Variants in DOCK6 observed in about 807,000 individuals in gnomAD.
DOCK6 encodes dedicator of cytokinesis protein 6.
Under a neutral mutation model 230.3 loss-of-function variants are expected in DOCK6, and 167 were observed. That is an observed-to-expected ratio of 0.73 (90% CI 0.64 to 0.82). The LOEUF (loss-of-function observed/expected upper bound fraction) is 0.82. Among genes scored for constraint, DOCK6 ranks in the 40% least tolerant of loss-of-function variants. The probability of loss-of-function intolerance (pLI) is 0.00; values close to 1 mark genes in which losing one functional copy is unlikely to be tolerated. For missense variants in DOCK6, 2,598 were observed against 2,825.8 expected (o/e 0.92, Z 1.83); for synonymous variants, 1,148 against 1,185.0 (o/e 0.97, Z 0.64).
At position 11,236,455 on chromosome 19, in the gene DOCK6, AAGACTGGCCC is replaced by A. The variant is rs761603763; in HGVS notation, c.2273_2282del (p.Arg758LeufsTer38). 11 of 1,593,362 alleles carry A rather than the reference AAGACTGGCCC, an allele frequency of 6.9e-6. No homozygotes were observed. The highest frequency in any genetic ancestry group is 9.4e-6 in the Non-Finnish European group (11 of 1,170,840). ...CGGGGCTGGCCAGGCGCAGTGCTGC[AAGACTGGCCC>A]GCAGCTCCTGCTCCACGTTGCCCTC... On this transcript the variant is annotated frameshift_variant, in exon 20 of 48. Coordinates refer to ENST00000294618, the MANE Select transcript of DOCK6 (RefSeq NM_020812.4). LOFTEE classifies it high-confidence loss of function. The surrounding 1 kb of genome is among the most constrained non-coding windows in gnomAD (Gnocchi z 5.2).
intron 39 of DOCK6, chr19:11,206,390 TAAAA>T (rs563303468): frequency 7.0e-6 from 1 of 143,126 alleles, no homozygotes; most frequent in Non-Finnish European, 1.5e-5. Context: ...TCCCATCTCT[TAAAA>T]AAAAAAAATG....
Position 11,204,285 on chromosome 19 carries a change from G to A in DOCK6, c.5135C>T (p.Pro1712Leu). The A allele has an allele frequency of 6.2e-7, 1 of 1,607,950 alleles. No homozygotes were observed. Among genetic ancestry groups the A allele is most frequent in the Non-Finnish European group, 8.5e-7 (1 of 1,177,220 alleles). ...GTAGTCACGGTGGGCTTCCAGGATGGGGATGAGGTTCTTGTAGACCTCATT... is the reference window on the plus strand; with the variant it reads ...GTAGTCACGGTGGGCTTCCAGGATGAGGATGAGGTTCTTGTAGACCTCATT... ...AVNEVYKNLI[P>L]ILEAHRDYKK... Residue 1712 changes from proline to leucine, a missense_variant, in exon 40 of 48, where the codon CCC (proline) becomes CTC (leucine). Physicochemically the swap from Pro to Leu is moderately conservative, Grantham distance 98. Transcript: ENST00000294618.
chr19:11,227,241 C>A, intron 24 of DOCK6, 96 bp downstream of exon 24: 2 of 1,509,432 alleles, frequency 1.3e-6, no homozygotes, highest in African/African-American at 1.4e-5. Context: ...CCTGGTCTTA[C>A]GGCCAGGAGA....
intron 1 of DOCK6, among the ~76,000 whole-genome samples, chr19:11,262,000 A>C (rs1162206449): frequency 2.0e-5 from 3 of 152,174 alleles, no homozygotes; most frequent in Non-Finnish European, 2.9e-5. Context: ...AGGAACAGAA[A>C]GTCCGGCCCA....
chr19:11,240,404 G>A, intron 14 of DOCK6: 2 of 1,175,076 alleles, frequency 1.7e-6, no homozygotes, highest in Non-Finnish European at 2.3e-6. Flanking sequence ...CCAGCTCTGT[G>A]GCCTCTACCC....
chr19:11,215,516 G>C, intron 31 of DOCK6, 45 bp from the exon 32 acceptor site: 1 of 1,553,582 alleles, frequency 6.4e-7, no homozygotes, highest in Non-Finnish European at 8.8e-7. Flanking sequence ...AAAACACAGG[G>C]CACACGTGAA....
intron 39 of DOCK6, 68 bp from the exon 40 acceptor site, chr19:11,204,399 A>AT: frequency 6.4e-7 from 1 of 1,572,118 alleles, no homozygotes; most frequent in Non-Finnish European, 8.7e-7. Flanking sequence ...CTGTCTACCC[A>AT]TCTCCCTTGT....
rs372083868 is a variant in DOCK6, at chr19:11,208,848, C to T, written c.4945-19G>A. 6.2e-6 allele frequency: 10 copies of T among 1,607,926 alleles called. No homozygotes were observed. In the African/African-American group the frequency reaches 6.7e-5, roughly 11 times the overall value. On this transcript the variant is annotated intron_variant, in intron 38 of 47. Transcript: ENST00000294618. ...AGATGTTCTGGGGTGGGAGAGGTGG[C>T]GTCAGACCCTGGTCCCCACTGCACT...
At position 11,253,622 on chromosome 19, in the gene DOCK6, AC is replaced by A. The variant is rs756563297; in HGVS notation, c.132+16del. On this transcript the variant is annotated intron_variant, in intron 2 of 47. Coordinates refer to ENST00000294618, the MANE Select transcript of DOCK6 (RefSeq NM_020812.4). ...AGAGAGGGCAGAGGGCTGGGGGCGGACCCCCCAAATACTTACCCCCAGGGAG... is the reference window on the plus strand; with the variant it reads ...AGAGAGGGCAGAGGGCTGGGGGCGGACCCCCAAATACTTACCCCCAGGGAG... 2.2e-6 allele frequency: 3 copies of A among 1,378,466 alleles called. No homozygotes were observed. Among genetic ancestry groups the A allele is most frequent in the African/African-American group, 3.1e-5 (2 of 65,012 alleles). The allele number at this position is 1,378,466 out of a possible 1,614,324, so 85.4% of individuals were successfully genotyped here.
intron 21 of DOCK6, 135 bp from the exon 22 acceptor site, chr19:11,233,501 T>C (rs974292817): frequency 2.6e-6 from 3 of 1,149,516 alleles, no homozygotes; most frequent in South Asian, 1.7e-5. Flanking sequence ...AAAATAGGCA[T>C]AATGGCTGCC....
chr19:11,250,002 T>C (rs994348026), intron 6 of DOCK6, among the ~76,000 whole-genome samples: 11 of 150,508 alleles, frequency 7.3e-5, no homozygotes, highest in African/African-American at 2.7e-4. Flanking sequence ...TAGGTGTCCA[T>C]ATACAGAAGC....
chr19:11,227,316 T>C (rs748462691), intron 24 of DOCK6, 21 bp downstream of exon 24: 3 of 1,611,434 alleles, frequency 1.9e-6, no homozygotes, highest in East Asian at 4.5e-5. Flanking sequence ...TCTTCCCACA[T>C]TGAGACCCTG....
chr19:11,215,645 C>T (rs931676926), intron 31 of DOCK6, 156 bp downstream of exon 31: 65 of 1,358,794 alleles, frequency 4.8e-5, no homozygotes, highest in East Asian at 7.1e-5. Flanking sequence ...CAGATGGGGA[C>T]GCACAGGCGC....
In DOCK6 at chr19:11,252,496, G is replaced by A. The variant is rs1322842623; in HGVS notation, c.363C>T (p.Val121=). The A allele has an allele frequency of 6.2e-7, 1 of 1,613,740 alleles. No individual in the cohort carries two copies. The highest frequency in any genetic ancestry group is 1.3e-5 in the African/African-American group (1 of 74,926). ...AAVEMYIEDW[V]IVHRRYQYLS... is the part of the protein sequence containing the mutation. ...GTCAGACTCACCTTCTGTGGACAAT[G>A]ACCCAGTCCTCAATATACATCTCCA... Residue 121 remains valine, a synonymous_variant, in exon 4 of 48, where the codon GTC becomes GTT. Transcript: ENST00000294618.
At chr19:11,251,872 T>G (rs957829304) in intron 5 of DOCK6, 5 of 538,944 alleles carry the variant, frequency 9.3e-6, no homozygotes, top group African/African-American at 7.6e-5. Context: ...TCAGTTTCCT[T>G]ACCTGGGTGT....
At position 11,252,766 on chromosome 19, in the gene DOCK6, C is replaced by A; in HGVS notation, c.308+17G>T. Reference sequence around the variant, plus strand: ...AGAGTGGAATCACAGGCAGAGAGGGCGTGGGGCTGAACCCACTCATCCTTG... The same window carrying A: ...AGAGTGGAATCACAGGCAGAGAGGGAGTGGGGCTGAACCCACTCATCCTTG... On this transcript the variant is annotated intron_variant, in intron 3 of 47. Coordinates refer to ENST00000294618, the MANE Select transcript of DOCK6 (RefSeq NM_020812.4). The A allele has an allele frequency of 6.2e-7, 1 of 1,601,184 alleles. No individual in the cohort carries two copies. Among genetic ancestry groups the A allele is most frequent in the Non-Finnish European group, 8.5e-7 (1 of 1,171,574 alleles).
intron 14 of DOCK6, among the ~76,000 whole-genome samples, chr19:11,239,277 C>G (rs1336642656): frequency 6.6e-6 from 1 of 152,186 alleles, no homozygotes; most frequent in Non-Finnish European, 1.5e-5. Flanking sequence ...GCAGGTCAAA[C>G]AGCTCAGGGC....
chr19:11,236,127 GC>G lies in DOCK6; in HGVS notation c.2392+218del. ...ACTCTCGACCTCAGGTGATCTGCCC[GC>G]CTCGGCCTCCCAAAGTGCTGGGATG... On this transcript the variant is annotated intron_variant, in intron 20 of 47. Transcript: ENST00000294618. This position sits in a 1 kb window ranked among gnomAD's most constrained non-coding sequence, Gnocchi z 5.2. 5.2e-6 allele frequency: 3 copies of G among 571,622 alleles called. No homozygotes were observed. The highest frequency in any genetic ancestry group is 2.5e-5 in the South Asian group (1 of 40,192). 35.4% of individuals were successfully genotyped at this position (571,622 alleles called of 1,614,324 possible). A position where few individuals can be genotyped will look rare whatever the true frequency, so the allele number is the denominator to read the frequency against.
intron 28 of DOCK6, chr19:11,221,370 G>C (rs962516385): frequency 1.2e-5 from 2 of 163,722 alleles, no homozygotes; most frequent in Non-Finnish European, 2.7e-5. Flanking sequence ...GAATGGCTAA[G>C]AATTTCCCCA....
Sources: gnomAD v4.1 joint callset for allele counts (sites outside exome capture counted in the v4.1 genomes callset) on GRCh38, gnomAD v4.1.1 for gene constraint, Gnocchi (gnomAD v3.1) non-coding constraint, MANE v1.5 for transcripts, NCBI Gene and HGNC (gene_info 2026-07-23, HGNC 2026-07-21) for gene names.